Variants in UGT1A10 observed in about 807,000 individuals in gnomAD.
UGT1A10 encodes UDP glucuronosyltransferase family 1 member A10.
Under a neutral mutation model 45.8 loss-of-function variants are expected in UGT1A10, and 49 were observed. The ratio of observed to expected loss-of-function variants is 1.07; its 90% CI spans 0.85 to 1.36. The LOEUF is 1.36. UGT1A10 is among the 40% of genes most tolerant of loss of function. The pLI is 0.00. For missense variants in UGT1A10, 745 were observed against 668.6 expected, an observed-to-expected ratio of 1.11 and a Z score of -1.26; for synonymous variants, 284 against 249.7, an observed-to-expected ratio of 1.14 and a Z score of -1.29.
At chr2:233,738,664 G>A (rs974057109) in intron 1 of UGT1A10, among the ~76,000 whole-genome samples, 1 of 152,140 alleles carries the variant, frequency 6.6e-6, no homozygotes, top group Non-Finnish European at 1.5e-5. Flanking sequence ...ACGAACTTGA[G>A]AGAGATGATC....
rs200752387 is a variant in UGT1A10, at chr2:233,752,746, A to AAAACAAAC, written c.856-14269_856-14262dup. On this transcript the variant is annotated intron_variant, in intron 1 of 4. Coordinates refer to ENST00000344644, the MANE Select transcript of UGT1A10 (RefSeq NM_019075.4). ...AGCTACAGAGAGAGACCCTGTCTCT[A>AAAACAAAC]AAACAAACAAACAAACAAACAAACA... Among the ~76,000 whole-genome samples, 41 of 152,308 alleles carry AAAACAAAC rather than the reference A, an allele frequency of 2.7e-4. No individual in the cohort carries two copies. The East Asian group carries it at 7.3e-3, about 27-fold the overall frequency.
At position 233,749,056 on chromosome 2, in the gene UGT1A10, A is replaced by T. The variant is rs140417619; in HGVS notation, c.856-17978A>T. Among the ~76,000 whole-genome samples, 122 of 151,804 alleles carry T rather than the reference A, an allele frequency of 8.0e-4. 1 individual carries two copies. Among genetic ancestry groups the T allele is most frequent in the African/African-American group, 2.8e-3 (116 of 41,130 alleles). On this transcript the variant is annotated intron_variant, in intron 1 of 4. Transcript: ENST00000344644. ...CATTGATGTGGTACTCTGGGACCTG[A>T]ATATTGTTTCTTATTCCTTGGTGTG... is the stretch of plus-strand genomic sequence containing the variant.
chr2:233,688,230 G>T (rs1056859026), intron 1 of UGT1A10, among the ~76,000 whole-genome samples: 3 of 152,180 alleles, frequency 2.0e-5, no homozygotes, highest in Non-Finnish European at 4.4e-5. Flanking sequence ...CCATGTTGTA[G>T]CATGAATCAG....
At chr2:233,693,800 C>T (rs1424958216) in intron 1 of UGT1A10, 1 of 1,614,174 alleles carries the variant, frequency 6.2e-7, no homozygotes, top group Non-Finnish European at 8.5e-7. Flanking sequence ...ATATCCTAGG[C>T]CGGTCATGCC....
intron 1 of UGT1A10, among the ~76,000 whole-genome samples, chr2:233,665,415 T>A (rs1379667513): frequency 3.3e-5 from 5 of 152,256 alleles, no homozygotes; most frequent in Non-Finnish European, 4.4e-5. Context: ...CCAGCAGCTT[T>A]ACTTCTCTCA....
intron 1 of UGT1A10, among the ~76,000 whole-genome samples, chr2:233,745,694 GAAC>G (rs1198123453): frequency 1.3e-5 from 2 of 150,076 alleles, no homozygotes; most frequent in African/African-American, 2.5e-5. Flanking sequence ...CAAGTTTGGA[GAAC>G]AACAAGTGAT....
At chr2:233,657,436 A>G (rs1030929975) in intron 1 of UGT1A10, among the ~76,000 whole-genome samples, 5 of 152,196 alleles carry the variant, frequency 3.3e-5, no homozygotes, top group African/African-American at 9.6e-5. Flanking sequence ...GCTGATCACA[A>G]GGTGAGAAAG....
intron 1 of UGT1A10, chr2:233,748,105 C>A: frequency 6.2e-7 from 1 of 1,612,580 alleles, no homozygotes; most frequent in Admixed American, 1.7e-5. Context: ...TTCATCCAAT[C>A]AATGTTCCAG....
chr2:233,755,205 G>C (rs1172737819), intron 1 of UGT1A10: 1 of 1,079,818 alleles, frequency 9.3e-7, no homozygotes, highest in East Asian at 4.8e-5. Flanking sequence ...CTTGCGGTAC[G>C]CCTTCTTGAT....
chr2:233,682,918 C>A (rs2074606879), intron 1 of UGT1A10: 2 of 1,480,400 alleles, frequency 1.4e-6, no homozygotes, highest in Non-Finnish European at 1.8e-6. Flanking sequence ...TTAAGGAATT[C>A]TTTTGTACCA....
At chr2:233,643,202 C>A (rs1443731697) in intron 1 of UGT1A10, among the ~76,000 whole-genome samples, 1 of 152,178 alleles carries the variant, frequency 6.6e-6, no homozygotes, top group African/African-American at 2.4e-5. Context: ...GGACTAGAGT[C>A]AAAAACCTTA....
At chr2:233,659,912 G>A (rs541684583) in intron 1 of UGT1A10, among the ~76,000 whole-genome samples, 1 of 152,040 alleles carries the variant, frequency 6.6e-6, no homozygotes, top group African/African-American at 2.4e-5. Context: ...TCATTGTCTG[G>A]TACTGATTCA....
intron 1 of UGT1A10, among the ~76,000 whole-genome samples, chr2:233,679,014 G>A (rs1185590717): frequency 6.6e-6 from 1 of 152,178 alleles, no homozygotes; most frequent in African/African-American, 2.4e-5. Flanking sequence ...ATCTTCAGTG[G>A]TGTAATCCTT....
intron 1 of UGT1A10, among the ~76,000 whole-genome samples, chr2:233,731,993 G>T (rs913496587): frequency 6.6e-6 from 1 of 152,180 alleles, no homozygotes; most frequent in African/African-American, 2.4e-5. Context: ...GGCGTGAGAT[G>T]GTATCTCATT....
intron 1 of UGT1A10, chr2:233,719,579 C>T (rs112157197): frequency 5.0e-5 from 80 of 1,613,916 alleles, no homozygotes; most frequent in South Asian, 2.2e-4. Flanking sequence ...GCTATGCATC[C>T]GTGTGGCTGT....
At chr2:233,656,312 A>G (rs1218526482) in intron 1 of UGT1A10, among the ~76,000 whole-genome samples, 1 of 152,244 alleles carries the variant, frequency 6.6e-6, no homozygotes, top group Non-Finnish European at 1.5e-5. Context: ...TAAACTGGCC[A>G]GAACCAGTCT....
At chr2:233,639,315 A>T (rs1370701107) in intron 1 of UGT1A10, among the ~76,000 whole-genome samples, 1 of 152,234 alleles carries the variant, frequency 6.6e-6, no homozygotes, top group East Asian at 1.9e-4. Flanking sequence ...TTTTATGATT[A>T]TACCTGTAAA....
At chr2:233,657,271 C>T (rs2741042) in intron 1 of UGT1A10, among the ~76,000 whole-genome samples, 34,023 of 152,096 alleles carry the variant, frequency 0.22, 4,749 homozygotes, top group South Asian at 0.38. Context: ...TTTTGTGTTG[C>T]TCTAAAGGAA....
At chr2:233,639,452 C>T (rs189697895) in intron 1 of UGT1A10, among the ~76,000 whole-genome samples, 183 of 152,334 alleles carry the variant, frequency 1.2e-3, no homozygotes, top group African/African-American at 4.3e-3. Context: ...CTGCATATTG[C>T]TCTTTCCTTG....
Sources: allele counts gnomAD v4.1 joint callset (sites outside exome capture counted in the v4.1 genomes callset), GRCh38; gene constraint gnomAD v4.1.1; transcripts MANE v1.5; gene names NCBI Gene and HGNC (gene_info 2026-07-23, HGNC 2026-07-21).